The following HSDL2 variants were observed in gnomAD, a reference collection of about 807,000 sequenced individuals.
The protein encoded by HSDL2 is hydroxysteroid dehydrogenase-like protein 2.
HSDL2 carries 27 observed loss-of-function variants against 46.3 expected under a neutral mutation model. The ratio of observed to expected loss-of-function variants is 0.58; its 90% CI spans 0.43 to 0.80. HSDL2 has a LOEUF of 0.80. HSDL2 is among the 30% of genes least tolerant of loss of function. The probability of loss-of-function intolerance (pLI) is 0.00; values close to 1 mark genes in which losing one functional copy is unlikely to be tolerated. For synonymous variants in HSDL2, 153 were observed against 163.6 expected (o/e 0.94, Z 0.50); for missense variants, 451 against 502.7 (o/e 0.90, Z 0.98).
intron 8 of HSDL2, among the ~76,000 whole-genome samples, chr9:112,448,427 T>C (rs1832795323): frequency 6.6e-6 from 1 of 152,192 alleles, no homozygotes; most frequent in Admixed American, 6.5e-5. Flanking sequence ...AGAAGTTAGA[T>C]TGGTATCTAT....
chr9:112,423,425 T>C (rs1049810200), intron 6 of HSDL2, among the ~76,000 whole-genome samples: 1 of 152,040 alleles, frequency 6.6e-6, no homozygotes, highest in African/African-American at 2.4e-5. Flanking sequence ...CACTGCAACC[T>C]CTGCCTCCTG....
At chr9:112,429,613 G>C (rs1333268534) in intron 6 of HSDL2, among the ~76,000 whole-genome samples, 1 of 152,200 alleles carries the variant, frequency 6.6e-6, no homozygotes, top group Non-Finnish European at 1.5e-5. Flanking sequence ...GAGAACAAAA[G>C]AGATATCAAT....
At chr9:112,409,902 T>C (rs1167302979) in intron 4 of HSDL2, among the ~76,000 whole-genome samples, 1 of 152,062 alleles carries the variant, frequency 6.6e-6, no homozygotes, top group African/African-American at 2.4e-5. Context: ...TCTCAAATAT[T>C]TGCATGTGTA....
intron 1 of HSDL2, among the ~76,000 whole-genome samples, chr9:112,381,035 T>G (rs1432656390): frequency 6.6e-6 from 1 of 151,764 alleles, no homozygotes; most frequent in Non-Finnish European, 1.5e-5. Flanking sequence ...AGTTCCCCAG[T>G]TACTTACGTT....
intron 1 of HSDL2, among the ~76,000 whole-genome samples, chr9:112,388,460 C>CAAA (rs35133211): frequency 2.8e-5 from 3 of 107,348 alleles, no homozygotes; most frequent in African/African-American, 1.1e-4. Flanking sequence ...GACTCCATCT[C>CAAA]AAAAAAAAAA....
At chr9:112,427,256 T>C (rs1336964869) in intron 6 of HSDL2, among the ~76,000 whole-genome samples, 2 of 152,184 alleles carry the variant, frequency 1.3e-5, no homozygotes, top group East Asian at 1.9e-4. Flanking sequence ...TGTTTTGCCA[T>C]GTTGGCCAGG....
At chr9:112,380,930 T>C (rs1456983802) in intron 1 of HSDL2, among the ~76,000 whole-genome samples, 1 of 152,244 alleles carries the variant, frequency 6.6e-6, no homozygotes, top group East Asian at 1.9e-4. Flanking sequence ...TGTCAGATTT[T>C]GTAATTTGCC....
intron 1 of HSDL2, 36 bp from the exon 2 acceptor site, chr9:112,403,959 G>A: frequency 6.3e-7 from 1 of 1,586,906 alleles, no homozygotes; most frequent in Non-Finnish European, 8.6e-7. Flanking sequence ...ATAAAACATT[G>A]GGTCTTCTAA....
In HSDL2 at chr9:112,470,543, G is replaced by A; in HGVS notation, c.1256G>A (p.Ter419=). The A allele has an allele frequency of 1.3e-6, 2 of 1,549,650 alleles. No individual in the cohort carries two copies. Among genetic ancestry groups the A allele is most frequent in the South Asian group, 1.2e-5 (1 of 84,540 alleles). The change falls in exon 11 of 11, where the codon TGA becomes TAA. Residue 419 remains the stop codon, a stop_retained_variant. Coordinates refer to ENST00000398805, the MANE Select transcript of HSDL2 (RefSeq NM_032303.5). ...KLMNQMNARL[*] is the part of the protein sequence containing the mutation. ...ATGAATCAGATGAATGCCAGACTGT[G>A]AAGGAAAATATAAAAAAAAAGTCGA...
At chr9:112,405,973 C>T (rs1399285124) in intron 3 of HSDL2, among the ~76,000 whole-genome samples, 1 of 151,952 alleles carries the variant, frequency 6.6e-6, no homozygotes, top group Admixed American at 6.6e-5. Context: ...CCAGCCTGGC[C>T]AACATGGTGA....
At chr9:112,440,706 C>T (rs1832620891) in intron 7 of HSDL2, among the ~76,000 whole-genome samples, 1 of 152,124 alleles carries the variant, frequency 6.6e-6, no homozygotes. Context: ...AACCCCATCT[C>T]TACAAAAAAT....
chr9:112,421,082 CA>C (rs1298140580), intron 6 of HSDL2, among the ~76,000 whole-genome samples: 1 of 152,078 alleles, frequency 6.6e-6, no homozygotes, highest in Admixed American at 6.5e-5. Context: ...GTAATCCCAA[CA>C]CTTTGAGAAG....
chr9:112,419,181 G>T (rs1397702776), intron 6 of HSDL2, among the ~76,000 whole-genome samples: 1 of 137,488 alleles, frequency 7.3e-6, no homozygotes, highest in Non-Finnish European at 1.6e-5. Flanking sequence ...GCTAATTTTT[G>T]TATTTTTAGT....
At chr9:112,443,821 A>T (rs1163603883) in intron 8 of HSDL2, among the ~76,000 whole-genome samples, 1 of 152,252 alleles carries the variant, frequency 6.6e-6, no homozygotes, top group East Asian at 1.9e-4. Context: ...TTAAACATGT[A>T]GGTGCTTGAT....
At chr9:112,437,483 CT>C (rs1832552773) in intron 6 of HSDL2, among the ~76,000 whole-genome samples, 1 of 152,048 alleles carries the variant, frequency 6.6e-6, no homozygotes, top group Non-Finnish European at 1.5e-5. Flanking sequence ...TAATTGGCAG[CT>C]TTTTTGTTTC....
intron 8 of HSDL2, among the ~76,000 whole-genome samples, chr9:112,450,678 C>T (rs1832865324): frequency 6.6e-6 from 1 of 151,112 alleles, no homozygotes; most frequent in South Asian, 2.1e-4. Flanking sequence ...TTAAAGTCAC[C>T]TGTAATCCAA....
chr9:112,405,023 A>G (rs971579064), intron 2 of HSDL2, among the ~76,000 whole-genome samples: 3 of 152,226 alleles, frequency 2.0e-5, no homozygotes, highest in Non-Finnish European at 4.4e-5. Flanking sequence ...ACATTTTTAT[A>G]TAGTTTAGAA....
chr9:112,451,106 G>C (rs949747965), intron 8 of HSDL2, among the ~76,000 whole-genome samples: 1 of 152,090 alleles, frequency 6.6e-6, no homozygotes, highest in Non-Finnish European at 1.5e-5. Flanking sequence ...GGAAGCTTGA[G>C]CTCAGGAAGT....
Position 112,459,533 on chromosome 9 carries a change from T to G in HSDL2, c.1100T>G (p.Val367Gly), listed in dbSNP as rs1833140467. ...GGAGAGCCTTCTGATCAGGCAGATG[T>G]GGTGATGAGTATGACTACTGATGAC... ...GYGEPSDQAD[V>G]VMSMTTDDFV... is the part of the protein sequence containing the mutation. The change falls in exon 10 of 11, where the codon GTG becomes GGG. Residue 367 changes from valine to glycine, a missense_variant. Val to Gly is a moderately radical substitution (Grantham distance 109). Coordinates refer to ENST00000398805, the MANE Select transcript of HSDL2 (RefSeq NM_032303.5). 18 of 1,613,736 alleles carry G rather than the reference T, an allele frequency of 1.1e-5. No homozygotes were observed. The highest frequency in any genetic ancestry group is 1.7e-5 in the Admixed American group (1 of 59,992).
Sources: allele counts gnomAD v4.1 joint callset (sites outside exome capture counted in the v4.1 genomes callset), GRCh38; gene constraint gnomAD v4.1.1; transcripts MANE v1.5; gene names NCBI Gene and HGNC (gene_info 2026-07-23, HGNC 2026-07-21).